Variants in PTPRD observed in about 807,000 individuals in gnomAD.
PTPRD encodes receptor-type tyrosine-protein phosphatase delta.
PTPRD carries 34 observed loss-of-function variants against 214.5 expected under a neutral mutation model. The observed-to-expected ratio is 0.16, with a 90% CI of 0.12 to 0.21. The LOEUF (loss-of-function observed/expected upper bound fraction) is 0.21, where lower values mean the gene tolerates loss of function less well. Among genes scored for constraint, PTPRD ranks in the 10% least tolerant of loss-of-function variants. The pLI is 1.00. For synonymous variants in PTPRD, 1,128 were observed against 845.7 expected (o/e 1.33, Z -5.79); for missense variants, 2,545 against 2,398.7 (o/e 1.06, Z -1.27).
chr9:10,046,071 A>G (rs767907663), intron 3 of PTPRD, among the ~76,000 whole-genome samples: 2 of 151,792 alleles, frequency 1.3e-5, no homozygotes, highest in Non-Finnish European at 3.0e-5. Flanking sequence ...CCTTCCTTTA[A>G]TTTGATATAC....
chr9:9,858,245 G>C (rs1248429328), intron 5 of PTPRD, among the ~76,000 whole-genome samples: 3 of 152,178 alleles, frequency 2.0e-5, no homozygotes, highest in African/African-American at 7.2e-5. Flanking sequence ...ACAATTGCTA[G>C]TAGCAGACAA....
intron 14 of PTPRD, among the ~76,000 whole-genome samples, chr9:8,572,666 C>T (rs1208716978): frequency 6.6e-6 from 1 of 151,918 alleles, no homozygotes; most frequent in East Asian, 1.9e-4. Flanking sequence ...GAGTCAACCT[C>T]ATTGGAGGCA....
intron 2 of PTPRD, among the ~76,000 whole-genome samples, chr9:10,367,686 A>G (rs2097539936): frequency 6.6e-6 from 1 of 152,174 alleles, no homozygotes; most frequent in Non-Finnish European, 1.5e-5. Context: ...CTCACTTGCC[A>G]CAGATGCCTT....
intron 14 of PTPRD, among the ~76,000 whole-genome samples, chr9:8,530,281 G>A (rs967417035): frequency 6.6e-6 from 1 of 151,946 alleles, no homozygotes; most frequent in Non-Finnish European, 1.5e-5. Context: ...TTTCAATCAG[G>A]TCTCATTTTT....
At chr9:9,303,637 A>T (rs780834177) in intron 9 of PTPRD, among the ~76,000 whole-genome samples, 8 of 152,106 alleles carry the variant, frequency 5.3e-5, no homozygotes, top group Non-Finnish European at 5.9e-5. Flanking sequence ...AAATGGGAAC[A>T]GTCAACATGT....
intron 12 of PTPRD, among the ~76,000 whole-genome samples, chr9:8,726,257 G>T (rs2098556061): frequency 6.6e-6 from 1 of 151,894 alleles, no homozygotes; most frequent in African/African-American, 2.4e-5. Context: ...GTAGGCAGGA[G>T]GGGATGGGGC....
intron 11 of PTPRD, among the ~76,000 whole-genome samples, chr9:8,805,323 G>C (rs1244146125): frequency 6.6e-6 from 1 of 152,178 alleles, no homozygotes; most frequent in African/African-American, 2.4e-5. Flanking sequence ...CCCATTTGAA[G>C]GTTCTGACCA....
Position 10,263,351 on chromosome 9 carries a change from A to C in PTPRD, c.-545+77612T>G, listed in dbSNP as rs149605946. On this transcript the variant is annotated intron_variant, in intron 3 of 45. Coordinates refer to ENST00000381196, the MANE Select transcript of PTPRD (RefSeq NM_002839.4). ...AACTTCCTAGAGACTTGGAGGGCTC[A>C]GAAGACAGGAAAATGTGGCGAAGTT... 5.9e-5 allele frequency among the ~76,000 whole-genome samples: 9 copies of C among 152,300 alleles called. No homozygotes were observed. The East Asian group carries it at 1.7e-3, about 29-fold the overall frequency.
chr9:9,471,425 T>C (rs1211777540), intron 8 of PTPRD, among the ~76,000 whole-genome samples: 1 of 152,134 alleles, frequency 6.6e-6, no homozygotes, highest in African/African-American at 2.4e-5. Flanking sequence ...ATCACAATCC[T>C]TCAATTATAA....
chr9:8,685,258 G>GAA (rs144015767), intron 12 of PTPRD, among the ~76,000 whole-genome samples: 1 of 137,178 alleles, frequency 7.3e-6, no homozygotes, highest in African/African-American at 2.6e-5. Flanking sequence ...GTAGAAAGCA[G>GAA]AAAAAAAAAA....
At chr9:8,319,769 G>C (rs1302813851) in intron 45 of PTPRD, 62 bp downstream of exon 45, 1 of 1,597,340 alleles carries the variant, frequency 6.3e-7, no homozygotes, top group Non-Finnish European at 8.5e-7. Flanking sequence ...ATGGAGTCCG[G>C]GAGGTCCAGG....
At chr9:8,522,394 GAAGATTAAGCTCA>G (rs1032401153) in intron 19 of PTPRD, among the ~76,000 whole-genome samples, 34 of 152,164 alleles carry the variant, frequency 2.2e-4, no homozygotes, top group Non-Finnish European at 2.1e-4. Flanking sequence ...TTGAAAGACA[GAAGATTAAGCTCA>G]AGTTGTTAAA....
intron 4 of PTPRD, among the ~76,000 whole-genome samples, chr9:9,970,553 A>G (rs2095037276): frequency 6.6e-6 from 1 of 152,104 alleles, no homozygotes; most frequent in African/African-American, 2.4e-5. Context: ...TGTACCTAGT[A>G]GGAAAAAAAA....
rs181373575 is a variant in PTPRD, at chr9:10,405,310, C to T, written c.-599-64293G>A. ...ATGGCATTATAACAAGTAAGTTTTT[C>T]GTTTAAAATAATTATCTTGTTTAAC... On this transcript the variant is annotated intron_variant, in intron 2 of 45. Coordinates refer to ENST00000381196, the MANE Select transcript of PTPRD (RefSeq NM_002839.4). Among the ~76,000 whole-genome samples, 359 of 151,660 alleles carry T rather than the reference C, an allele frequency of 2.4e-3. 2 individuals are homozygous for T. Among genetic ancestry groups the T allele is most frequent in the African/African-American group, 4.1e-3 (169 of 41,456 alleles).
At position 10,059,704 on chromosome 9, in the gene PTPRD, C is replaced by T. The variant is rs1042672616; in HGVS notation, c.-544-25914G>A. On this transcript the variant is annotated intron_variant, in intron 3 of 45. Transcript: ENST00000381196. ...TGAGGATTAACAAATTACTACATCT[C>T]AAATCGTTTTTAATTTGTAAGCGTC... Among the ~76,000 whole-genome samples, 7 of 151,474 alleles carry T rather than the reference C, an allele frequency of 4.6e-5. No homozygotes were observed. The South Asian group carries it at 1.5e-3, about 32-fold the overall frequency.
chr9:10,303,648 A>T (rs1395170166), intron 3 of PTPRD, among the ~76,000 whole-genome samples: 1 of 152,164 alleles, frequency 6.6e-6, no homozygotes, highest in African/African-American at 2.4e-5. Context: ...TAGGCAAATA[A>T]ACTAGAAAAT....
chr9:9,058,650 C>T (rs1269784790), intron 10 of PTPRD, among the ~76,000 whole-genome samples: 24 of 150,746 alleles, frequency 1.6e-4, no homozygotes, highest in South Asian at 2.1e-4. Context: ...GGGGTTTCAC[C>T]GTGTTAGCCA....
At chr9:9,962,547 T>C (rs1430663487) in intron 4 of PTPRD, among the ~76,000 whole-genome samples, 3 of 152,146 alleles carry the variant, frequency 2.0e-5, no homozygotes, top group African/African-American at 7.2e-5. Context: ...AGTCAATATT[T>C]AGAAAATTGC....
rs1164243746 is a variant in PTPRD at position 10,050,559 on chromosome 9, CAAAAAAAAA to C, written c.-544-16778_-544-16770del. On this transcript the variant is annotated intron_variant, in intron 3 of 45. Transcript: ENST00000381196. ...TGGGCAATAAAGAGAGAGTCTGTCT[CAAAAAAAAA>C]AAAAAAAAAAAAAAAAAAAAAAGAC... Among the ~76,000 whole-genome samples, 60 of 13,996 alleles carry C rather than the reference CAAAAAAAAA, an allele frequency of 4.3e-3. 1 individual carries two copies. Among genetic ancestry groups the C allele is most frequent in the Non-Finnish European group, 7.1e-3 (47 of 6,618 alleles). 9.2% of individuals were successfully genotyped at this position (13,996 alleles called of 152,430 possible).
Sources: allele counts gnomAD v4.1 joint callset (sites outside exome capture counted in the v4.1 genomes callset), GRCh38; gene constraint gnomAD v4.1.1; transcripts MANE v1.5; gene names NCBI Gene and HGNC (gene_info 2026-07-23, HGNC 2026-07-21).